The following CHAF1A variants were observed in gnomAD, a reference collection of about 807,000 sequenced individuals.
CHAF1A encodes CAF-1 subunit A.
Under a neutral mutation model 93.2 loss-of-function variants are expected in CHAF1A, and 5 were observed. The observed-to-expected ratio is 0.05, with a 90% CI of 0.03 to 0.11. The LOEUF is 0.11. Among genes scored for constraint, CHAF1A ranks in the 10% least tolerant of loss-of-function variants. CHAF1A has a pLI of 1.00. For synonymous variants in CHAF1A, 504 were observed against 510.3 expected (o/e 0.99, Z 0.17); for missense variants, 1,102 against 1,259.9 (o/e 0.87, Z 1.90).
At chr19:4,408,809 C>G (rs1340403738) in intron 2 of CHAF1A, 94 bp from the exon 3 acceptor site, 1 of 1,447,422 alleles carries the variant, frequency 6.9e-7, no homozygotes, top group African/African-American at 1.4e-5. Flanking sequence ...AATTATCTCC[C>G]ACCCCCATGT....
intron 3 of CHAF1A, among the ~76,000 whole-genome samples, chr19:4,411,892 G>A (rs985244355): frequency 3.4e-4 from 52 of 151,802 alleles, no homozygotes; most frequent in African/African-American, 1.2e-3. Context: ...CAGGTGATCC[G>A]CTTGCCTCGG....
Position 4,409,411 on chromosome 19 carries a change from ACGGAGCTGCC to A in CHAF1A, c.621_630del (p.Cys207Ter). The A allele has an allele frequency of 6.2e-7, 1 of 1,614,156 alleles. No individual in the cohort carries two copies. The highest frequency in any genetic ancestry group is 8.5e-7 in the Non-Finnish European group (1 of 1,180,026). On this transcript the variant is annotated frameshift_variant, in exon 3 of 15. Transcript: ENST00000301280. LOFTEE classifies it high-confidence loss of function. ...GAGGCGACTCCCAGGAATGTTCGCC[ACGGAGCTGCC>A]CGGAGCTGACGAGTGGCCCGAGAAT...
At chr19:4,425,183 C>T (rs949230208) in intron 7 of CHAF1A, among the ~76,000 whole-genome samples, 3 of 152,290 alleles carry the variant, frequency 2.0e-5, no homozygotes, top group Non-Finnish European at 2.9e-5. Context: ...CAGAGATCCA[C>T]ATCATGTATT....
At chr19:4,447,773 C>T (rs945466302), downstream of CHAF1A, 3 of 758,646 alleles carry the variant, frequency 4.0e-6, no homozygotes, top group Non-Finnish European at 6.8e-6. Flanking sequence ...GGCAGCAGAC[C>T]ATCTCCGGGT....
rs148090075 is a variant in CHAF1A, at chr19:4,433,223, C to A, written c.2357C>A (p.Pro786His). 1.9e-6 allele frequency: 3 copies of A among 1,614,184 alleles called. No individual in the cohort carries two copies. The African/African-American group carries it at 4.0e-5, about 22-fold the overall frequency. Residue 786 changes from proline to histidine, a missense_variant, in exon 13 of 15, where the codon CCC becomes CAC. Coordinates refer to ENST00000301280, the MANE Select transcript of CHAF1A (RefSeq NM_005483.3). The surrounding 1 kb of genome is among the most constrained non-coding windows in gnomAD (Gnocchi z 5.6). ...PSTTYLHTPT[P>H]SEDAAIPSKS... ...ACCACCTACCTGCACACCCCCACCC[C>A]CAGCGAGGATGCCGCCATCCCCTCT...
rs368832887 is a variant in CHAF1A at position 4,432,194 on chromosome 19, G to A, written c.2190G>A (p.Arg730=). Residue 730 remains arginine, a synonymous_variant, in exon 12 of 15, where the codon AGG becomes AGA. Coordinates refer to ENST00000301280, the MANE Select transcript of CHAF1A (RefSeq NM_005483.3). ...EQTPKASKRE[R]RDEQILAQLL... is the part of the protein sequence containing the mutation. Reference sequence around the variant, plus strand: ...CGCCCAAGGCCTCCAAGCGGGAGAGGAGAGACGAGCAGAGTGAGTGTGGGC... The same window carrying A: ...CGCCCAAGGCCTCCAAGCGGGAGAGAAGAGACGAGCAGAGTGAGTGTGGGC... 5.5e-5 allele frequency: 89 copies of A among 1,607,570 alleles called. No homozygotes were observed. The African/African-American group carries it at 1.1e-3, about 19-fold the overall frequency.
chr19:4,445,407 A>G, downstream of CHAF1A: 7 of 1,576,442 alleles, frequency 4.4e-6, no homozygotes, highest in South Asian at 3.5e-5. Flanking sequence ...AAGTATTTCC[A>G]GAGGTGGCTT....
At chr19:4,423,465 T>A (rs770833805) in intron 6 of CHAF1A, 70 bp downstream of exon 6, 396 of 1,608,024 alleles carry the variant, frequency 2.5e-4, no homozygotes, top group Non-Finnish European at 3.1e-4. Flanking sequence ...GTGGAATTCT[T>A]GCCACAGCCG....
At chr19:4,413,060 A>T (rs1374623564) in intron 3 of CHAF1A, among the ~76,000 whole-genome samples, 1 of 151,950 alleles carries the variant, frequency 6.6e-6, no homozygotes, top group Non-Finnish European at 1.5e-5. Context: ...CATAGTTGGT[A>T]CCTAACTCTT....
intron 13 of CHAF1A, among the ~76,000 whole-genome samples, chr19:4,437,324 A>G (rs954441255): frequency 6.6e-6 from 1 of 151,964 alleles, no homozygotes. Flanking sequence ...GTGGAAGCAC[A>G]TGAGCCCGGA....
intron 12 of CHAF1A, 93 bp from the exon 13 acceptor site, chr19:4,432,977 G>A (rs1974214391): frequency 9.4e-7 from 1 of 1,063,640 alleles, no homozygotes; most frequent in African/African-American, 1.6e-5. Context: ...CCAAGCCTCG[G>A]TGGCAATGAG....
At chr19:4,417,156 AGACAGG>A (rs1973909881) in intron 3 of CHAF1A, among the ~76,000 whole-genome samples, 1 of 152,108 alleles carries the variant, frequency 6.6e-6, no homozygotes, top group Admixed American at 6.6e-5. Flanking sequence ...CTTTTTTTAG[AGACAGG>A]GTCTTGCTTT....
intron 3 of CHAF1A, among the ~76,000 whole-genome samples, chr19:4,415,407 T>C (rs908218019): frequency 1.3e-5 from 2 of 152,158 alleles, no homozygotes; most frequent in African/African-American, 4.8e-5. Flanking sequence ...GGCAGGAGAT[T>C]CTGCAGCTGA....
At chr19:4,446,716 T>C (rs1974536815), downstream of CHAF1A, 3 of 1,608,208 alleles carry the variant, frequency 1.9e-6, no homozygotes, top group African/African-American at 4.0e-5. Flanking sequence ...CTCCTCGGGG[T>C]CCTCTACAGC....
chr19:4,425,253 A>T (rs1273467120), intron 7 of CHAF1A, among the ~76,000 whole-genome samples: 2 of 152,070 alleles, frequency 1.3e-5, no homozygotes, highest in Non-Finnish European at 2.9e-5. Context: ...TTTTACAAAA[A>T]TTATTTATTT....
At chr19:4,410,121 C>T (rs996156308) in intron 3 of CHAF1A, among the ~76,000 whole-genome samples, 2 of 152,148 alleles carry the variant, frequency 1.3e-5, no homozygotes, top group Non-Finnish European at 2.9e-5. Context: ...TTTCTCTGTG[C>T]CCTTCCTGTC....
chr19:4,404,035 G>C (rs1057422136), intron 1 of CHAF1A, among the ~76,000 whole-genome samples: 13 of 151,304 alleles, frequency 8.6e-5, no homozygotes, highest in Non-Finnish European at 1.5e-4. Flanking sequence ...TGGGCAGGCT[G>C]GTCTCGAACT....
downstream of CHAF1A, chr19:4,445,603 G>A: frequency 6.2e-7 from 1 of 1,613,560 alleles, no homozygotes; most frequent in Non-Finnish European, 8.5e-7. Flanking sequence ...CCCACGAGAA[G>A]GTCAGGAGGG....
chr19:4,405,544 G>A (rs950098210), intron 1 of CHAF1A, among the ~76,000 whole-genome samples: 1 of 151,358 alleles, frequency 6.6e-6, no homozygotes, highest in Non-Finnish European at 1.5e-5. Context: ...GGAGGCGGAG[G>A]TTGCAGTGAG....
Sources: allele counts gnomAD v4.1 joint callset (sites outside exome capture counted in the v4.1 genomes callset), GRCh38; gene constraint gnomAD v4.1.1; non-coding constraint Gnocchi (gnomAD v3.1); transcripts MANE v1.5; gene names NCBI Gene and HGNC (gene_info 2026-07-23, HGNC 2026-07-21).